PLEKHB2: variants seen among roughly 807,000 people sequenced by gnomAD.
The protein encoded by PLEKHB2 is pleckstrin homology domain containing B2.
Under a neutral mutation model 36.5 loss-of-function variants are expected in PLEKHB2, and 31 were observed. The observed-to-expected ratio is 0.85, with a 90% confidence interval of 0.64 to 1.15. The LOEUF is 1.15. PLEKHB2 is among the 50% of genes most tolerant of loss of function. PLEKHB2 has a pLI of 0.00. For missense variants in PLEKHB2, 262 were observed against 295.3 expected, an observed-to-expected ratio of 0.89 and a Z score of 0.83; for synonymous variants, 119 against 112.0, an observed-to-expected ratio of 1.06 and a Z score of -0.39.
intron 1 of PLEKHB2, among the ~76,000 whole-genome samples, chr2:131,117,118 C>CA (rs1371093933): frequency 6.8e-6 from 1 of 147,554 alleles, no homozygotes; most frequent in African/African-American, 2.5e-5. Context: ...AAACTCCGTC[C>CA]AAAAAAAAAG....
chr2:131,124,987 G>A lies in PLEKHB2; in HGVS notation c.38-766G>A, dbSNP rs1013150227. ...TTTTTAGAGATGGGATTTCACCATC[G>A]TGGCCAGGCTGGTCTCGAACTCCTG... On this transcript the variant is annotated intron_variant, in intron 2 of 7. Coordinates refer to ENST00000693505, the MANE Select transcript of PLEKHB2 (RefSeq NM_001100623.2). Among the ~76,000 whole-genome samples, 5 of 151,870 alleles carry A rather than the reference G, an allele frequency of 3.3e-5. No individual in the cohort carries two copies. In the East Asian group the frequency reaches 5.8e-4, roughly 18 times the overall value.
intron 4 of PLEKHB2, among the ~76,000 whole-genome samples, chr2:131,128,658 A>G (rs1190202760): frequency 2.0e-5 from 3 of 152,230 alleles, no homozygotes; most frequent in South Asian, 2.1e-4. Flanking sequence ...CTTCCCTTCA[A>G]TACAACCCCA....
At chr2:131,111,035 C>G (rs111584817) in intron 1 of PLEKHB2, among the ~76,000 whole-genome samples, 4 of 151,912 alleles carry the variant, frequency 2.6e-5, no homozygotes, top group Non-Finnish European at 5.9e-5. Flanking sequence ...GACGGAGTCT[C>G]GCTGTGATGC....
At chr2:131,123,047 C>T (rs1261094787) in intron 2 of PLEKHB2, among the ~76,000 whole-genome samples, 1 of 152,134 alleles carries the variant, frequency 6.6e-6, no homozygotes, top group Non-Finnish European at 1.5e-5. Context: ...TGATCAGTGA[C>T]TCTTTTGACA....
intron 6 of PLEKHB2, 75 bp downstream of exon 6, chr2:131,133,066 T>C (rs904338756): frequency 5.4e-6 from 5 of 919,348 alleles, no homozygotes; most frequent in African/African-American, 5.0e-5. Context: ...TTTGTTTTTT[T>C]AAATGAAATT....
rs1573655502 is a variant in PLEKHB2, at chr2:131,149,291, G to C, written c.*2518G>C. 6.6e-6 allele frequency: 1 copy of C among 152,224 alleles called. No homozygotes were observed. Among genetic ancestry groups the C allele is most frequent in the African/African-American group, 2.4e-5 (1 of 41,452 alleles). The allele number at this position is 152,224 out of a possible 1,614,324, so 9.4% of individuals were successfully genotyped here. On this transcript the variant is annotated 3_prime_UTR_variant, in exon 8 of 8. Transcript: ENST00000693505. ...TCTTTTGTTTACAGTGCTACACTTAGTGTGAGTCAAGAAGTGCTTGAGTTA... is the reference window on the plus strand; with the variant it reads ...TCTTTTGTTTACAGTGCTACACTTACTGTGAGTCAAGAAGTGCTTGAGTTA...
At chr2:131,109,741 A>G (rs79065054) in intron 1 of PLEKHB2, among the ~76,000 whole-genome samples, 2 of 151,304 alleles carry the variant, frequency 1.3e-5, no homozygotes, top group Non-Finnish European at 2.9e-5. Flanking sequence ...ACCTTAGAAT[A>G]AAAAAAAATA....
At chr2:131,134,929 T>C (rs1462929213) in intron 6 of PLEKHB2, among the ~76,000 whole-genome samples, 1 of 152,230 alleles carries the variant, frequency 6.6e-6, no homozygotes, top group Non-Finnish European at 1.5e-5. Flanking sequence ...AAAAATCCCA[T>C]ACATGTTTTG....
chr2:131,133,986 G>A (rs1057247541), intron 6 of PLEKHB2, among the ~76,000 whole-genome samples: 23 of 139,004 alleles, frequency 1.7e-4, no homozygotes, highest in Admixed American at 1.5e-3. Context: ...TAAAAGCTCC[G>A]CCTCCTGGGT....
At chr2:131,124,186 C>T (rs556254188) in intron 2 of PLEKHB2, among the ~76,000 whole-genome samples, 1 of 152,226 alleles carries the variant, frequency 6.6e-6, no homozygotes, top group Admixed American at 6.5e-5. Context: ...CAAGTGGATG[C>T]TTGGGTATCA....
chr2:131,124,207 A>C (rs1261363000), intron 2 of PLEKHB2, among the ~76,000 whole-genome samples: 1 of 152,162 alleles, frequency 6.6e-6, no homozygotes, highest in African/African-American at 2.4e-5. Context: ...CTTAGTGGTC[A>C]GTTAGGCAAG....
intron 1 of PLEKHB2, among the ~76,000 whole-genome samples, chr2:131,116,382 T>A (rs1436452408): frequency 1.3e-5 from 2 of 152,190 alleles, no homozygotes. Context: ...GTTGTATTAG[T>A]CTGTTCTCAT....
chr2:131,124,597 G>C (rs1295891241), intron 2 of PLEKHB2, among the ~76,000 whole-genome samples: 1 of 152,196 alleles, frequency 6.6e-6, no homozygotes, highest in Non-Finnish European at 1.5e-5. Flanking sequence ...CAAGCTGACA[G>C]AAGTACGTGA....
intron 2 of PLEKHB2, among the ~76,000 whole-genome samples, chr2:131,123,770 C>A (rs1573565394): frequency 2.6e-5 from 1 of 37,804 alleles, no homozygotes. Flanking sequence ...TGGTCCACCC[C>A]CCCCACCCCC....
intron 1 of PLEKHB2, among the ~76,000 whole-genome samples, chr2:131,110,755 C>T (rs1695224540): frequency 6.6e-6 from 1 of 152,038 alleles, no homozygotes; most frequent in Admixed American, 6.6e-5. Flanking sequence ...CTCTAGATGT[C>T]CTGTGTCTTG....
At chr2:131,111,592 G>A (rs972184602) in intron 1 of PLEKHB2, among the ~76,000 whole-genome samples, 5 of 150,536 alleles carry the variant, frequency 3.3e-5, no homozygotes, top group East Asian at 3.9e-4. Context: ...CCGGGTTCAC[G>A]CCATTCTCCT....
chr2:131,126,883 T>C, intron 4 of PLEKHB2, 97 bp downstream of exon 4: 1 of 714,224 alleles, frequency 1.4e-6, no homozygotes, highest in South Asian at 1.6e-5. Context: ...GAGTTTTCTT[T>C]CAGGCATCAG....
rs1458744853 is a variant in PLEKHB2, at chr2:131,115,445, C to G, written c.-8-5489C>G. Among the ~76,000 whole-genome samples the G allele has an allele frequency of 2.0e-5, 3 of 147,036 alleles. No homozygotes were observed. In the East Asian group the frequency reaches 6.0e-4, roughly 29 times the overall value. On this transcript the variant is annotated intron_variant, in intron 1 of 7. Coordinates refer to ENST00000693505, the MANE Select transcript of PLEKHB2 (RefSeq NM_001100623.2). ...CTTGACTCACTGCAGTCTCCGCCTC[C>G]CGGGATCAAGTGATTCTTCTGCCTC...
At chr2:131,118,773 C>CAGG (rs762061551) in intron 1 of PLEKHB2, 6 of 140,920 alleles carry the variant, frequency 4.3e-5, no homozygotes, top group Non-Finnish European at 9.0e-5. Flanking sequence ...GAGGCTGACG[C>CAGG]AGGAGAATGG....
Sources: allele counts gnomAD v4.1 joint callset (sites outside exome capture counted in the v4.1 genomes callset), GRCh38; gene constraint gnomAD v4.1.1; transcripts MANE v1.5; gene names NCBI Gene and HGNC (gene_info 2026-07-23, HGNC 2026-07-21).